SRRM4: variants seen among roughly 807,000 people sequenced by gnomAD.
The protein encoded by SRRM4 is serine/arginine repetitive matrix protein 4.
SRRM4 carries 33 observed loss-of-function variants against 68.9 expected under a neutral mutation model. The observed-to-expected ratio is 0.48, with a 90% CI of 0.36 to 0.64. The LOEUF is 0.64. Ranked by LOEUF, SRRM4 falls within the 30% of genes least tolerant of loss-of-function variation. SRRM4 has a pLI of 0.00. For synonymous variants in SRRM4, 318 were observed against 318.8 expected (o/e 1.00, Z 0.03); for missense variants, 817 against 827.1 (o/e 0.99, Z 0.15).
At chr12:119,014,996 AG>A (rs1953472355) in intron 1 of SRRM4, among the ~76,000 whole-genome samples, 2 of 152,208 alleles carry the variant, frequency 1.3e-5, no homozygotes, top group Non-Finnish European at 2.9e-5. Context: ...AAACAACTTA[AG>A]TATCCAACAA....
intron 1 of SRRM4, among the ~76,000 whole-genome samples, chr12:119,034,805 G>A (rs1041473485): frequency 9.2e-5 from 14 of 152,250 alleles, no homozygotes; most frequent in Admixed American, 5.2e-4. Context: ...TGGTGTGTCT[G>A]ATGAATCTTT....
At chr12:118,988,974 T>A (rs1259194476) in intron 1 of SRRM4, among the ~76,000 whole-genome samples, 1 of 152,112 alleles carries the variant, frequency 6.6e-6, no homozygotes, top group African/African-American at 2.4e-5. Flanking sequence ...GGTAGAAGGA[T>A]GCTTGGTGTA....
chr12:119,031,307 G>C (rs1953588189), intron 1 of SRRM4: 1 of 152,174 alleles, frequency 6.6e-6, no homozygotes, highest in Non-Finnish European at 1.5e-5. Flanking sequence ...CAGAATGGCA[G>C]CTGTCTTCAT....
intron 1 of SRRM4, among the ~76,000 whole-genome samples, chr12:119,089,053 T>G (rs895212677): frequency 1.3e-5 from 2 of 152,106 alleles, no homozygotes; most frequent in Non-Finnish European, 2.9e-5. Flanking sequence ...GTCTGCCTGA[T>G]TCCCAAGCCC....
intron 1 of SRRM4, among the ~76,000 whole-genome samples, chr12:119,038,949 G>A (rs1272868183): frequency 2.6e-5 from 4 of 152,204 alleles, no homozygotes; most frequent in East Asian, 1.9e-4. Context: ...GATCCCTTGA[G>A]GTGGAACACC....
At chr12:119,076,906 T>C (rs1349325804) in intron 1 of SRRM4, among the ~76,000 whole-genome samples, 2 of 151,470 alleles carry the variant, frequency 1.3e-5, no homozygotes, top group Non-Finnish European at 2.9e-5. Context: ...AAAAACTGCT[T>C]TTTGGTAAAG....
At chr12:118,998,348 G>T (rs950746766) in intron 1 of SRRM4, among the ~76,000 whole-genome samples, 4 of 147,596 alleles carry the variant, frequency 2.7e-5, no homozygotes, top group Non-Finnish European at 4.4e-5. Context: ...GTGGTCTGGA[G>T]CACTGTATTG....
intron 2 of SRRM4, among the ~76,000 whole-genome samples, chr12:119,112,248 A>T (rs1954149370): frequency 6.6e-6 from 1 of 152,186 alleles, no homozygotes; most frequent in African/African-American, 2.4e-5. Context: ...AACCACAATG[A>T]GATGCCATCT....
At chr12:119,120,755 C>A (rs1173841451) in intron 5 of SRRM4, among the ~76,000 whole-genome samples, 1 of 151,616 alleles carries the variant, frequency 6.6e-6, no homozygotes, top group Non-Finnish European at 1.5e-5. Context: ...TCTCATTAAT[C>A]CCTACCACAA....
intron 1 of SRRM4, among the ~76,000 whole-genome samples, chr12:118,995,832 G>A (rs1170408538): frequency 6.6e-6 from 1 of 151,994 alleles, no homozygotes; most frequent in Non-Finnish European, 1.5e-5. Context: ...ATCTATTCCT[G>A]CATCCATTTA....
At chr12:119,141,606 C>T (rs531839722) in intron 8 of SRRM4, among the ~76,000 whole-genome samples, 1 of 152,098 alleles carries the variant, frequency 6.6e-6, no homozygotes, top group Admixed American at 6.5e-5. Context: ...GTTGTCTCTA[C>T]AATAAATGAA....
At chr12:119,059,643 G>T (rs749519480) in intron 1 of SRRM4, among the ~76,000 whole-genome samples, 1 of 152,142 alleles carries the variant, frequency 6.6e-6, no homozygotes, top group Non-Finnish European at 1.5e-5. Context: ...GAGGTGGAAA[G>T]GGATTCTGCT....
chr12:119,118,545 T>C (rs11609646), intron 4 of SRRM4, among the ~76,000 whole-genome samples: 4,190 of 152,300 alleles, frequency 0.028, 136 homozygotes, highest in East Asian at 0.096. Flanking sequence ...GTTATCTGAG[T>C]TTGTGTTTAC....
Position 119,019,227 on chromosome 12 carries a change from AAATATTT to A in SRRM4, c.131+37218_131+37224del, listed in dbSNP as rs1208124742. 5.3e-5 allele frequency among the ~76,000 whole-genome samples: 8 copies of A among 152,354 alleles called. No homozygotes were observed. In the South Asian group the frequency reaches 1.7e-3, roughly 32 times the overall value. On this transcript the variant is annotated intron_variant, in intron 1 of 12. Coordinates refer to ENST00000267260, the MANE Select transcript of SRRM4 (RefSeq NM_194286.4). Reference sequence around the variant, plus strand: ...CAAATGCTCTGGGGGCCAGCTACTTAAATATTTAATGGAGGCTTTAAAAAGTTGAGCC... The same window carrying A: ...CAAATGCTCTGGGGGCCAGCTACTTAAATGGAGGCTTTAAAAAGTTGAGCC...
intron 1 of SRRM4, among the ~76,000 whole-genome samples, chr12:119,030,654 A>G (rs1321330867): frequency 6.6e-6 from 1 of 152,192 alleles, no homozygotes; most frequent in Non-Finnish European, 1.5e-5. Flanking sequence ...CAAAATTACA[A>G]TCATATTTTC....
At chr12:119,026,781 C>A (rs1005785406) in intron 1 of SRRM4, among the ~76,000 whole-genome samples, 1 of 152,072 alleles carries the variant, frequency 6.6e-6, no homozygotes, top group Non-Finnish European at 1.5e-5. Flanking sequence ...AAGTGATCCA[C>A]CCACCTCAGC....
chr12:119,088,493 A>T (rs1381937984), intron 1 of SRRM4, among the ~76,000 whole-genome samples: 1 of 152,188 alleles, frequency 6.6e-6, no homozygotes, highest in African/African-American at 2.4e-5. Context: ...GCTTAGTTTA[A>T]TGTATATTTC....
In SRRM4 at chr12:119,091,064, C is replaced by T. The variant is rs143245759; in HGVS notation, c.132-11172C>T. ...CTGTCCTCTCTGCAGATTTCAGCAG[C>T]GGCTTACTGTCTGCTTGTTAGGAAT... On this transcript the variant is annotated intron_variant, in intron 1 of 12. Transcript: ENST00000267260. Among the ~76,000 whole-genome samples, 17 of 152,290 alleles carry T rather than the reference C, an allele frequency of 1.1e-4. No homozygotes were observed. The East Asian group carries it at 2.7e-3, about 24-fold the overall frequency.
At chr12:119,101,603 T>C (rs1954078002) in intron 1 of SRRM4, among the ~76,000 whole-genome samples, 1 of 152,062 alleles carries the variant, frequency 6.6e-6, no homozygotes, top group East Asian at 1.9e-4. Context: ...GAATTGATAC[T>C]ATTCACTATT....
Sources: allele counts gnomAD v4.1 joint callset (sites outside exome capture counted in the v4.1 genomes callset), GRCh38; gene constraint gnomAD v4.1.1; transcripts MANE v1.5; gene names NCBI Gene and HGNC (gene_info 2026-07-23, HGNC 2026-07-21).